Variants in SCP2 observed in about 807,000 individuals in gnomAD.
SCP2 encodes SCP-2/3-oxoacyl-CoA thiolase.
SCP2 carries 48 observed loss-of-function variants against 71.4 expected under a neutral mutation model. The ratio of observed to expected loss-of-function variants is 0.67; its 90% CI spans 0.53 to 0.86. The LOEUF (loss-of-function observed/expected upper bound fraction) is 0.86. Among genes scored for constraint, SCP2 ranks in the 40% least tolerant of loss-of-function variants. The pLI is 0.00. For synonymous variants in SCP2, 220 were observed against 218.1 expected, an observed-to-expected ratio of 1.01 and a Z score of -0.08; for missense variants, 560 against 655.6, an observed-to-expected ratio of 0.85 and a Z score of 1.59.
intron 5 of SCP2, among the ~76,000 whole-genome samples, chr1:52,957,875 C>T (rs978593576): frequency 1.2e-4 from 17 of 142,146 alleles, no homozygotes; most frequent in African/African-American, 2.4e-4. Context: ...CCAGTTGTCC[C>T]TGCACCATTT....
intron 8 of SCP2, among the ~76,000 whole-genome samples, chr1:52,977,273 G>A (rs181199272): frequency 6.6e-6 from 1 of 152,286 alleles, no homozygotes; most frequent in Non-Finnish European, 1.5e-5. Context: ...GTTAACACCT[G>A]GCTGTGCCCT....
At chr1:53,028,138 G>C (rs1662268045) in intron 13 of SCP2, 67 bp downstream of exon 13, 1 of 862,188 alleles carries the variant, frequency 1.2e-6, no homozygotes, top group East Asian at 2.5e-5. Flanking sequence ...CAGGTTTCAG[G>C]TGTTGCCACG....
chr1:52,930,494 C>T (rs1013408757), intron 1 of SCP2, among the ~76,000 whole-genome samples: 5 of 152,064 alleles, frequency 3.3e-5, no homozygotes, highest in African/African-American at 4.8e-5. Context: ...GGCTTAGTGG[C>T]GCACACCTAT....
intron 10 of SCP2, among the ~76,000 whole-genome samples, chr1:52,981,281 T>C (rs1232658097): frequency 6.6e-6 from 1 of 152,204 alleles, no homozygotes; most frequent in Non-Finnish European, 1.5e-5. Flanking sequence ...GCCTTTTAAC[T>C]GGAGTGTCGA....
At chr1:52,987,004 A>AT (rs779786435) in intron 10 of SCP2, among the ~76,000 whole-genome samples, 4 of 93,774 alleles carry the variant, frequency 4.3e-5, no homozygotes, top group African/African-American at 1.8e-4. Flanking sequence ...ATATATATAT[A>AT]TATTTTTTTT....
At chr1:52,990,208 G>C (rs1190696810) in intron 11 of SCP2, among the ~76,000 whole-genome samples, 1 of 151,964 alleles carries the variant, frequency 6.6e-6, no homozygotes, top group African/African-American at 2.4e-5. Flanking sequence ...ACAACAAACT[G>C]GGAAAGAGGA....
chr1:52,958,956 C>G (rs1275776699), intron 5 of SCP2, among the ~76,000 whole-genome samples: 1 of 152,064 alleles, frequency 6.6e-6, no homozygotes, highest in Admixed American at 6.6e-5. Flanking sequence ...AACTTCAGGG[C>G]TCAAGTGATC....
chr1:53,044,696 A>C (rs1031746153), intron 14 of SCP2, among the ~76,000 whole-genome samples: 2 of 152,216 alleles, frequency 1.3e-5, no homozygotes, highest in Admixed American at 6.5e-5. Context: ...GGAGGAGCCA[A>C]CTGTTAGAAT....
chr1:53,008,405 G>A (rs1035445924), intron 11 of SCP2, among the ~76,000 whole-genome samples: 1 of 152,132 alleles, frequency 6.6e-6, no homozygotes, highest in African/African-American at 2.4e-5. Flanking sequence ...ACCAAATCCA[G>A]CAACACATCA....
chr1:52,943,595 T>C (rs930479595), intron 2 of SCP2: 6 of 382,640 alleles, frequency 1.6e-5, no homozygotes, highest in African/African-American at 1.3e-4. Flanking sequence ...TCATTTGGCA[T>C]GGATAGTGCA....
intron 15 of SCP2, 83 bp from the exon 16 acceptor site, chr1:53,050,526 A>G (rs948197192): frequency 5.8e-6 from 5 of 855,516 alleles, no homozygotes; most frequent in African/African-American, 5.0e-5. Context: ...TAAATAAATG[A>G]TCTCAGGGCT....
At chr1:52,937,744 C>T (rs1165057464) in intron 1 of SCP2, among the ~76,000 whole-genome samples, 2 of 152,224 alleles carry the variant, frequency 1.3e-5, no homozygotes, top group African/African-American at 2.4e-5. Context: ...CTGATGCCAG[C>T]AAGCCCACAA....
intron 15 of SCP2, chr1:53,049,573 G>T (rs555070505): frequency 3.9e-5 from 6 of 152,274 alleles, no homozygotes; most frequent in African/African-American, 1.4e-4. Flanking sequence ...AATAAAAAGT[G>T]ATTTTCTTTG....
intron 13 of SCP2, among the ~76,000 whole-genome samples, chr1:53,029,414 C>A (rs945356990): frequency 2.0e-4 from 31 of 152,132 alleles, no homozygotes; most frequent in African/African-American, 7.2e-4. Context: ...CAGGCGTGAG[C>A]CTCTGCCTGG....
chr1:52,964,257 A>C, intron 6 of SCP2, among the ~76,000 whole-genome samples: 1 of 141,590 alleles, frequency 7.1e-6, no homozygotes, highest in African/African-American at 2.7e-5. Context: ...TCTGGAGTGC[A>C]GTGGCATGAT....
At chr1:53,049,602 A>G (rs984072104) in intron 15 of SCP2, 5 of 152,230 alleles carry the variant, frequency 3.3e-5, no homozygotes, top group Non-Finnish European at 7.3e-5. Flanking sequence ...CAAAGGAGAA[A>G]GGTGGCGAGT....
intron 11 of SCP2, among the ~76,000 whole-genome samples, chr1:52,997,723 A>G (rs1425627949): frequency 6.6e-6 from 1 of 152,184 alleles, no homozygotes; most frequent in African/African-American, 2.4e-5. Flanking sequence ...TAGTTGCACA[A>G]CTCTGTGAAT....
chr1:52,937,649 T>C (rs1195604428), intron 1 of SCP2, among the ~76,000 whole-genome samples: 2 of 152,236 alleles, frequency 1.3e-5, no homozygotes, highest in East Asian at 1.9e-4. Flanking sequence ...ATATCATGTT[T>C]CAAACTTTTG....
intron 10 of SCP2, among the ~76,000 whole-genome samples, chr1:52,984,536 CTT>C (rs748861852): frequency 1.4e-5 from 2 of 143,816 alleles, no homozygotes; most frequent in Non-Finnish European, 3.1e-5. Flanking sequence ...TGATTACTTT[CTT>C]TTTTTTTTTT....
Sources: gnomAD v4.1 joint callset for allele counts (sites outside exome capture counted in the v4.1 genomes callset) on GRCh38, gnomAD v4.1.1 for gene constraint, MANE v1.5 for transcripts, NCBI Gene and HGNC (gene_info 2026-07-23, HGNC 2026-07-21) for gene names.